NEK11: variants seen among roughly 807,000 people sequenced by gnomAD.
The protein encoded by NEK11 is serine/threonine-protein kinase Nek11.
Under a neutral mutation model 80.7 loss-of-function variants are expected in NEK11, and 72 were observed. The observed-to-expected ratio is 0.89, with a 90% confidence interval of 0.74 to 1.08. The LOEUF (loss-of-function observed/expected upper bound fraction) is 1.08, where lower values mean the gene tolerates loss of function less well. NEK11 is among the 50% of genes least tolerant of loss of function. NEK11 has a pLI of 0.00. For synonymous variants in NEK11, 251 were observed against 260.7 expected, an observed-to-expected ratio of 0.96 and a Z score of 0.36; for missense variants, 764 against 763.6, an observed-to-expected ratio of 1.00 and a Z score of -0.01.
chr3:131,161,047 GT>G (rs1240819720), intron 10 of NEK11, among the ~76,000 whole-genome samples: 1 of 151,482 alleles, frequency 6.6e-6, no homozygotes, highest in African/African-American at 2.4e-5. Flanking sequence ...GCTGGGCGTG[GT>G]AGCGTGTGCC....
chr3:131,142,324 G>A (rs1184207434), intron 7 of NEK11, among the ~76,000 whole-genome samples: 1 of 152,138 alleles, frequency 6.6e-6, no homozygotes, highest in Admixed American at 6.5e-5. Flanking sequence ...ATGCCAGCTG[G>A]GCTATAGAAA....
At chr3:131,297,188 G>A (rs994217407) in intron 17 of NEK11, among the ~76,000 whole-genome samples, 23 of 151,788 alleles carry the variant, frequency 1.5e-4, no homozygotes, top group African/African-American at 5.3e-4. Context: ...GTAATGGGAT[G>A]GCTGGGTCAA....
At chr3:131,329,386 A>G (rs926481465) in intron 17 of NEK11, 1 of 152,106 alleles carries the variant, frequency 6.6e-6, no homozygotes, top group African/African-American at 2.4e-5. Flanking sequence ...GACTTTCAAG[A>G]CATCTACTCA....
At chr3:131,217,848 T>TA (rs1365709685) in intron 14 of NEK11, among the ~76,000 whole-genome samples, 2 of 152,204 alleles carry the variant, frequency 1.3e-5, no homozygotes, top group African/African-American at 2.4e-5. Flanking sequence ...ACTAAATTAA[T>TA]AAGTGCCATT....
chr3:131,193,637 T>C (rs1463599831), intron 14 of NEK11, among the ~76,000 whole-genome samples: 1 of 152,140 alleles, frequency 6.6e-6, no homozygotes, highest in Non-Finnish European at 1.5e-5. Flanking sequence ...AGAATTAATG[T>C]TTTCAGTGTT....
intron 5 of NEK11, among the ~76,000 whole-genome samples, chr3:131,128,076 C>T (rs555769532): frequency 5.3e-5 from 8 of 152,268 alleles, no homozygotes; most frequent in African/African-American, 1.7e-4. Context: ...CCTTATACCC[C>T]CTGCTCCCAC....
At chr3:131,199,028 C>T (rs1580018915) in intron 14 of NEK11, among the ~76,000 whole-genome samples, 1 of 152,178 alleles carries the variant, frequency 6.6e-6, no homozygotes, top group East Asian at 1.9e-4. Context: ...TAATTTTGCC[C>T]CTACGTATTT....
At chr3:131,259,655 A>G (rs2095876874) in intron 16 of NEK11, among the ~76,000 whole-genome samples, 1 of 152,176 alleles carries the variant, frequency 6.6e-6, no homozygotes, top group African/African-American at 2.4e-5. Flanking sequence ...AAACCCTCAG[A>G]GAGCTCCAGT....
At chr3:131,047,631 C>T (rs1560159611) in intron 3 of NEK11, among the ~76,000 whole-genome samples, 1 of 152,218 alleles carries the variant, frequency 6.6e-6, no homozygotes, top group Non-Finnish European at 1.5e-5. Context: ...TGTGAACCAT[C>T]TTCAGTCTCT....
intron 17 of NEK11, chr3:131,329,364 T>G (rs1338795000): frequency 2.6e-5 from 4 of 152,052 alleles, no homozygotes; most frequent in Non-Finnish European, 5.9e-5. Flanking sequence ...ATCACCATAT[T>G]CCTTCCTATT....
intron 5 of NEK11, among the ~76,000 whole-genome samples, chr3:131,128,591 A>G (rs2083790367): frequency 6.6e-6 from 1 of 152,236 alleles, no homozygotes; most frequent in Non-Finnish European, 1.5e-5. Flanking sequence ...AAGTTTTGGC[A>G]ATTATGAATA....
intron 17 of NEK11, among the ~76,000 whole-genome samples, chr3:131,288,091 T>C (rs549419051): frequency 6.6e-6 from 1 of 152,356 alleles, no homozygotes; most frequent in African/African-American, 2.4e-5. Flanking sequence ...ACCCATTTCA[T>C]GACCATGACA....
At chr3:131,213,993 T>C (rs1200604348) in intron 14 of NEK11, among the ~76,000 whole-genome samples, 2 of 152,160 alleles carry the variant, frequency 1.3e-5, no homozygotes, top group Non-Finnish European at 2.9e-5. Flanking sequence ...TATGTTTCCA[T>C]GCTCCTCCAC....
intron 5 of NEK11, among the ~76,000 whole-genome samples, chr3:131,110,580 C>T (rs2079946411): frequency 1.3e-5 from 2 of 151,602 alleles, no homozygotes; most frequent in Admixed American, 6.6e-5. Flanking sequence ...ATTTTAGAGA[C>T]CCATAAAATG....
intron 5 of NEK11, among the ~76,000 whole-genome samples, chr3:131,115,255 C>T (rs900135887): frequency 1.3e-5 from 2 of 152,174 alleles, no homozygotes; most frequent in Non-Finnish European, 2.9e-5. Flanking sequence ...ACCATTGGCT[C>T]CCCTGGTTCT....
At chr3:131,127,713 A>G (rs1481030122) in intron 5 of NEK11, among the ~76,000 whole-genome samples, 1 of 135,032 alleles carries the variant, frequency 7.4e-6, no homozygotes, top group Non-Finnish European at 1.7e-5. Flanking sequence ...TGAATGCTGA[A>G]CAATATATGT....
chr3:131,291,109 C>T (rs914457934), intron 17 of NEK11, among the ~76,000 whole-genome samples: 5 of 152,026 alleles, frequency 3.3e-5, no homozygotes, highest in African/African-American at 1.2e-4. Context: ...CCCTCCCAAC[C>T]CCTGGCAACC....
intron 16 of NEK11, among the ~76,000 whole-genome samples, chr3:131,256,270 G>T (rs1312505026): frequency 6.6e-6 from 1 of 152,122 alleles, no homozygotes; most frequent in African/African-American, 2.4e-5. Context: ...TAAATACACT[G>T]ATTTGATTTT....
chr3:131,171,214 C>T (rs1485425697), intron 14 of NEK11, among the ~76,000 whole-genome samples: 1 of 152,188 alleles, frequency 6.6e-6, no homozygotes, highest in African/African-American at 2.4e-5. Flanking sequence ...TGTGTCTTCC[C>T]TGTTCTGTAA....
Sources: gnomAD v4.1 joint callset for allele counts (sites outside exome capture counted in the v4.1 genomes callset) on GRCh38, gnomAD v4.1.1 for gene constraint, MANE v1.5 for transcripts, NCBI Gene and HGNC (gene_info 2026-07-23, HGNC 2026-07-21) for gene names.